PRICKLE1: variants seen among roughly 807,000 people sequenced by gnomAD.
PRICKLE1 encodes the protein prickle-like protein 1.
In PRICKLE1, 14 loss-of-function variants were observed where a neutral mutation model predicts 70.2. The observed-to-expected ratio is 0.20, with a 90% CI of 0.13 to 0.31. The LOEUF (loss-of-function observed/expected upper bound fraction) is 0.31. Among genes scored for constraint, PRICKLE1 ranks in the 10% least tolerant of loss-of-function variants. The pLI is 1.00. For synonymous variants in PRICKLE1, 357 were observed against 379.9 expected (o/e 0.94, Z 0.70); for missense variants, 821 against 1,026.2 (o/e 0.80, Z 2.73).
At chr12:42,498,583 G>A (rs1385120336) in intron 1 of PRICKLE1, among the ~76,000 whole-genome samples, 1 of 152,174 alleles carries the variant, frequency 6.6e-6, no homozygotes, top group Non-Finnish European at 1.5e-5. Flanking sequence ...AGGAGATCGA[G>A]ACCAACCTGG....
intron 1 of PRICKLE1, among the ~76,000 whole-genome samples, chr12:42,497,705 T>A (rs973354705): frequency 1.3e-5 from 2 of 152,140 alleles, no homozygotes; most frequent in Admixed American, 1.3e-4. Context: ...ATTGCTAGAA[T>A]TATCAAAATG....
chr12:42,482,898 G>A (rs1253454381), intron 1 of PRICKLE1: 1 of 152,006 alleles, frequency 6.6e-6, no homozygotes, highest in Non-Finnish European at 1.5e-5. Context: ...CTCAGAGCGG[G>A]CGTCGGCGCC....
At chr12:42,473,999 C>T (rs149090815) in intron 1 of PRICKLE1, among the ~76,000 whole-genome samples, 2 of 152,246 alleles carry the variant, frequency 1.3e-5, no homozygotes, top group African/African-American at 2.4e-5. Flanking sequence ...ATTGGCCGGG[C>T]GTGGTAGCTC....
chr12:42,510,298 G>A (rs1389063439), intron 1 of PRICKLE1, among the ~76,000 whole-genome samples: 3 of 151,984 alleles, frequency 2.0e-5, no homozygotes, highest in Non-Finnish European at 4.4e-5. Context: ...GTTTCACCAT[G>A]TTAGCCAGGA....
At chr12:42,538,619 T>TA (rs1940054489) in intron 1 of PRICKLE1, among the ~76,000 whole-genome samples, 1 of 152,210 alleles carries the variant, frequency 6.6e-6, no homozygotes, top group Non-Finnish European at 1.5e-5. Context: ...TTCCCTTCTC[T>TA]GAACTTCTAC....
rs1475330461 is a variant in PRICKLE1 at position 42,521,671 on chromosome 12, AG to A, written c.-48-49108del. ...AGCTGAGATTGCACCACTGCACTCC[AG>A]CTTGGGTGACAGAGTGAGACCTTGT... On this transcript the variant is annotated intron_variant, in intron 1 of 7. Coordinates refer to ENST00000345127, the MANE Select transcript of PRICKLE1 (RefSeq NM_153026.3). 5.3e-5 allele frequency among the ~76,000 whole-genome samples: 8 copies of A among 152,218 alleles called. No individual in the cohort carries two copies. In the East Asian group the frequency reaches 1.5e-3, roughly 29 times the overall value.
chr12:42,481,500 A>T (rs1411704810), intron 1 of PRICKLE1, among the ~76,000 whole-genome samples: 3 of 152,228 alleles, frequency 2.0e-5, no homozygotes, highest in African/African-American at 7.2e-5. Flanking sequence ...GAAGTCAGTT[A>T]GGCCAACATT....
Position 42,464,442 on chromosome 12 carries a change from T to G in PRICKLE1, c.1592A>C (p.Gln531Pro). 2 of 1,614,128 alleles carry G rather than the reference T, an allele frequency of 1.2e-6. No individual in the cohort carries two copies. Among genetic ancestry groups the G allele is most frequent in the Non-Finnish European group, 8.5e-7 (1 of 1,180,036 alleles). Residue 531 changes from glutamine (Q) to proline (P), a missense_variant, in exon 7 of 8, where the codon CAA becomes CCA. Coordinates refer to ENST00000345127, the MANE Select transcript of PRICKLE1 (RefSeq NM_153026.3). This position sits in a 1 kb window ranked among gnomAD's most constrained non-coding sequence, Gnocchi z 4.2. ...LECLSDLKPE[Q>P]SVRDSMDSLA... ...AGAATCCATCGAATCCCGAACACTTTGCTCTGGTTTCAGGTCTGACAGACA... is the reference window on the plus strand; with the variant it reads ...AGAATCCATCGAATCCCGAACACTTGGCTCTGGTTTCAGGTCTGACAGACA...
chr12:42,510,776 C>T (rs3895894), intron 1 of PRICKLE1, among the ~76,000 whole-genome samples: 82,525 of 152,004 alleles, frequency 0.54, 23,251 homozygotes, highest in East Asian at 0.72. Context: ...TGTGTTATTA[C>T]GGAAGAGCTT....
chr12:42,498,363 G>T (rs1939247347), intron 1 of PRICKLE1, among the ~76,000 whole-genome samples: 1 of 151,096 alleles, frequency 6.6e-6, no homozygotes, highest in Admixed American at 6.6e-5. Context: ...TAGTGGAGAT[G>T]GGGTTTTGCC....
At chr12:42,579,834 T>C (rs551875763) in intron 1 of PRICKLE1, among the ~76,000 whole-genome samples, 20 of 148,860 alleles carry the variant, frequency 1.3e-4, no homozygotes, top group Non-Finnish European at 2.7e-4. Context: ...AGGTATCATA[T>C]GTCTTCTTTA....
At chr12:42,474,170 G>A (rs1008339450) in intron 1 of PRICKLE1, among the ~76,000 whole-genome samples, 1 of 152,216 alleles carries the variant, frequency 6.6e-6, no homozygotes, top group African/African-American at 2.4e-5. Context: ...TACTCGGGAG[G>A]CTGAGGCAGG....
intron 1 of PRICKLE1, among the ~76,000 whole-genome samples, chr12:42,508,242 C>T (rs1939452916): frequency 1.3e-5 from 2 of 152,166 alleles, no homozygotes; most frequent in South Asian, 4.1e-4. Context: ...CCTCCACGCT[C>T]ATACTGCTTC....
intron 1 of PRICKLE1, among the ~76,000 whole-genome samples, chr12:42,582,838 C>T (rs1940926387): frequency 6.6e-6 from 1 of 151,842 alleles, no homozygotes; most frequent in Non-Finnish European, 1.5e-5. Context: ...ATTTAGCTCA[C>T]CAGCCATCGT....
Position 42,466,054 on chromosome 12 carries a change from G to A in PRICKLE1, c.775+140C>T, listed in dbSNP as rs568613214. 1.3e-5 allele frequency: 12 copies of A among 905,254 alleles called. No homozygotes were observed. In the African/African-American group the frequency reaches 1.8e-4, roughly 14 times the overall value. The allele number at this position is 905,254 out of a possible 1,614,324, so 56.1% of individuals were successfully genotyped here. On this transcript the variant is annotated intron_variant, in intron 6 of 7. Transcript: ENST00000345127. ...TTCATTTGTCAAAGCTCATCAGCTG[G>A]AACATTTAAGATCTGTACATTTCAT...
At chr12:42,532,073 A>G (rs373775302) in intron 1 of PRICKLE1, among the ~76,000 whole-genome samples, 15 of 152,302 alleles carry the variant, frequency 9.8e-5, no homozygotes, top group African/African-American at 3.4e-4. Flanking sequence ...CTGAAGTGGA[A>G]ACGATCGCTT....
In PRICKLE1 at chr12:42,516,172, C is replaced by T. The variant is rs184438717; in HGVS notation, c.-48-43608G>A. Among the ~76,000 whole-genome samples, 849 of 152,182 alleles carry T rather than the reference C, an allele frequency of 5.6e-3. 9 individuals carry two copies. The highest frequency in any genetic ancestry group is 0.019 in the African/African-American group (802 of 41,508). ...TTTGAGACAGAGTCTCGCTCTGTCGCTCAGGCTGGAGTGCAGTGGTGCAAT... is the reference window on the plus strand; with the variant it reads ...TTTGAGACAGAGTCTCGCTCTGTCGTTCAGGCTGGAGTGCAGTGGTGCAAT... On this transcript the variant is annotated intron_variant, in intron 1 of 7. Coordinates refer to ENST00000345127, the MANE Select transcript of PRICKLE1 (RefSeq NM_153026.3).
intron 1 of PRICKLE1, among the ~76,000 whole-genome samples, chr12:42,477,429 T>C (rs1938592742): frequency 8.9e-6 from 1 of 112,570 alleles, no homozygotes; most frequent in African/African-American, 3.5e-5. Context: ...TGTATATACA[T>C]ATGTATATAT....
In PRICKLE1 at chr12:42,561,911, T is replaced by C. The variant is rs541756796; in HGVS notation, c.-49+27554A>G. Among the ~76,000 whole-genome samples, 660 of 139,388 alleles carry C rather than the reference T, an allele frequency of 4.7e-3. 7 individuals carry two copies. The highest frequency in any genetic ancestry group is 0.041 in the South Asian group (187 of 4,530). 91.4% of individuals were successfully genotyped at this position (139,388 alleles called of 152,430 possible). The stretch of plus-strand genomic sequence containing the variant: ...CTAATTTTCTTTTTCTTTTCTTTTT[T>C]TTTTTTTTTTTTTTTTTCCAGACAG... On this transcript the variant is annotated intron_variant, in intron 1 of 7. Transcript: ENST00000345127.
Sources: allele counts gnomAD v4.1 joint callset (sites outside exome capture counted in the v4.1 genomes callset), GRCh38; gene constraint gnomAD v4.1.1; non-coding constraint Gnocchi (gnomAD v3.1); transcripts MANE v1.5; gene names NCBI Gene and HGNC (gene_info 2026-07-23, HGNC 2026-07-21).